Variants in HECW2 observed in about 807,000 individuals in gnomAD.
The protein encoded by HECW2 is HECT, C2 and WW domain containing E3 ubiquitin protein ligase 2, also known as E3 ubiquitin-protein ligase HECW2.
Under a neutral mutation model 175.2 loss-of-function variants are expected in HECW2, and 61 were observed. The observed-to-expected ratio is 0.35, with a 90% CI of 0.28 to 0.43. The LOEUF is 0.43. Among genes scored for constraint, HECW2 ranks in the 20% least tolerant of loss-of-function variants. HECW2 has a pLI of 1.00. For missense variants in HECW2, 1,524 were observed against 2,000.5 expected, an observed-to-expected ratio of 0.76 and a Z score of 4.54; for synonymous variants, 671 against 731.0, an observed-to-expected ratio of 0.92 and a Z score of 1.32.
Position 196,384,688 on chromosome 2 carries a change from C to A in HECW2, c.293-40924G>T, listed in dbSNP as rs542911243. Among the ~76,000 whole-genome samples, 8 of 152,138 alleles carry A rather than the reference C, an allele frequency of 5.3e-5. No individual in the cohort carries two copies. In the South Asian group the frequency reaches 1.7e-3, roughly 32 times the overall value. Reference sequence around the variant, plus strand: ...AAATGATGAACAAAACACTTATTGCCCCTCCCTAGTATTTTTTACATTCAT... The same window carrying A: ...AAATGATGAACAAAACACTTATTGCACCTCCCTAGTATTTTTTACATTCAT... On this transcript the variant is annotated intron_variant, in intron 2 of 28. Coordinates refer to ENST00000644978, the MANE Select transcript of HECW2 (RefSeq NM_001348768.2).
intron 1 of HECW2, among the ~76,000 whole-genome samples, chr2:196,581,415 T>A (rs1309722524): frequency 1.3e-5 from 2 of 152,122 alleles, no homozygotes; most frequent in Admixed American, 6.5e-5. Flanking sequence ...GTGCCTGTAG[T>A]CCCAGCTACT....
chr2:196,354,373 G>A (rs1417205331), intron 2 of HECW2, among the ~76,000 whole-genome samples: 3 of 152,174 alleles, frequency 2.0e-5, no homozygotes, highest in African/African-American at 7.2e-5. Context: ...GGAATGGCCG[G>A]CCAGACCCCA....
chr2:196,230,214 G>A (rs1005948699), intron 21 of HECW2, among the ~76,000 whole-genome samples: 21 of 152,194 alleles, frequency 1.4e-4, no homozygotes, highest in African/African-American at 5.1e-4. Flanking sequence ...ATGCAGGGAT[G>A]CACAGACTAC....
At chr2:196,586,430 C>T (rs1021108737) in intron 1 of HECW2, 3 of 152,198 alleles carry the variant, frequency 2.0e-5, no homozygotes, top group Non-Finnish European at 4.4e-5. Flanking sequence ...GAGCACCTTT[C>T]CACTATGCAG....
chr2:196,524,993 C>G (rs1688577577), intron 1 of HECW2, among the ~76,000 whole-genome samples: 1 of 140,388 alleles, frequency 7.1e-6, no homozygotes, highest in Non-Finnish European at 1.5e-5. Flanking sequence ...TCTATTAGGT[C>G]CGCTTGGTGC....
rs764886207 is a variant in HECW2, at chr2:196,195,287, C to G, written c.*5990G>C. 3.3e-5 allele frequency: 5 copies of G among 152,188 alleles called. No individual in the cohort carries two copies. Among genetic ancestry groups the G allele is most frequent in the African/African-American group, 4.8e-5 (2 of 41,440 alleles). 9.4% of individuals were successfully genotyped at this position (152,188 alleles called of 1,614,324 possible). Reference sequence around the variant, plus strand: ...GGTTCCTTACCTGCATCAGTAATAGCTGATTCAGTTTGAATCACACAACAC... The same window carrying G: ...GGTTCCTTACCTGCATCAGTAATAGGTGATTCAGTTTGAATCACACAACAC... On this transcript the variant is annotated 3_prime_UTR_variant, in exon 29 of 29. Coordinates refer to ENST00000644978, the MANE Select transcript of HECW2 (RefSeq NM_001348768.2).
At chr2:196,302,924 GC>G (rs1467133197) in intron 13 of HECW2, among the ~76,000 whole-genome samples, 1 of 152,098 alleles carries the variant, frequency 6.6e-6, no homozygotes, top group African/African-American at 2.4e-5. Context: ...TTGACTGATT[GC>G]CCTGGCCAGA....
intron 21 of HECW2, among the ~76,000 whole-genome samples, chr2:196,236,099 A>G (rs1477687173): frequency 6.6e-6 from 1 of 152,258 alleles, no homozygotes; most frequent in Non-Finnish European, 1.5e-5. Flanking sequence ...CCTCATAGAC[A>G]ACACAGTTGA....
At chr2:196,573,454 C>T (rs1020869737) in intron 1 of HECW2, among the ~76,000 whole-genome samples, 4 of 151,978 alleles carry the variant, frequency 2.6e-5, no homozygotes, top group African/African-American at 4.8e-5. Flanking sequence ...ATCCTTGTAG[C>T]CATGGTAACT....
intron 1 of HECW2, among the ~76,000 whole-genome samples, chr2:196,557,865 GT>G (rs1689861314): frequency 6.6e-6 from 1 of 151,912 alleles, no homozygotes; most frequent in Non-Finnish European, 1.5e-5. Context: ...TTTTTTCTTT[GT>G]TTTATTTTAC....
intron 10 of HECW2, among the ~76,000 whole-genome samples, chr2:196,310,768 T>TTGTGTGTGTGTGTGTGTGTG (rs143340435): frequency 0.011 from 1,618 of 148,294 alleles, 17 homozygotes; most frequent in East Asian, 0.026. Flanking sequence ...AGCAACGATT[T>TTGTGTGTGTGTGTGTGTGTG]TGTGTGTGTG....
chr2:196,449,514 TC>T (rs1224813106), intron 1 of HECW2, among the ~76,000 whole-genome samples: 1 of 152,240 alleles, frequency 6.6e-6, no homozygotes, highest in Non-Finnish European at 1.5e-5. Flanking sequence ...CTGAAAGATT[TC>T]ATTTGTTTTA....
At chr2:196,373,169 G>C (rs1693953925) in intron 2 of HECW2, among the ~76,000 whole-genome samples, 1 of 152,134 alleles carries the variant, frequency 6.6e-6, no homozygotes, top group African/African-American at 2.4e-5. Flanking sequence ...AATAGATAAA[G>C]GATAGTCCAC....
At position 196,292,827 on chromosome 2, in the gene HECW2, G is replaced by A. The variant is rs1177248652; in HGVS notation, c.2815-77C>T. 7.1e-6 allele frequency: 8 copies of A among 1,120,960 alleles called. No individual in the cohort carries two copies. The Admixed American group carries it at 1.8e-4, about 25-fold the overall frequency. 69.4% of individuals were successfully genotyped at this position (1,120,960 alleles called of 1,614,324 possible). A position where few individuals can be genotyped will look rare whatever the true frequency, so the allele number is the denominator to read the frequency against. On this transcript the variant is annotated intron_variant, in intron 13 of 28. Transcript: ENST00000644978. ...CACCAGAAATACTACACATGGGTAT[G>A]GCTAATCTTCCAATAAGTAATGAAA... is the stretch of plus-strand genomic sequence containing the variant.
chr2:196,262,572 C>CT lies in HECW2; in HGVS notation c.3336-4667dup, dbSNP rs1002702341. Among the ~76,000 whole-genome samples the CT allele has an allele frequency of 3.3e-3, 491 of 146,786 alleles. 4 individuals are homozygous for CT. Among genetic ancestry groups the CT allele is most frequent in the African/African-American group, 8.6e-3 (348 of 40,328 alleles). On this transcript the variant is annotated intron_variant, in intron 17 of 28. Transcript: ENST00000644978. ...AGGGCAAAAGCCCTTGCTCCTTTAT[C>CT]TTTTTTTTTTTGAGATGGAGTCTCA...
intron 1 of HECW2, among the ~76,000 whole-genome samples, chr2:196,491,231 G>C (rs1035081357): frequency 6.6e-6 from 1 of 151,908 alleles, no homozygotes; most frequent in Non-Finnish European, 1.5e-5. Flanking sequence ...GGGTGCAGTG[G>C]CTCACACCTG....
intron 21 of HECW2, among the ~76,000 whole-genome samples, chr2:196,231,464 T>C (rs1575261111): frequency 6.6e-6 from 1 of 152,148 alleles, no homozygotes; most frequent in African/African-American, 2.4e-5. Flanking sequence ...AACCTGCAGG[T>C]CCAATCTGCC....
intron 2 of HECW2, among the ~76,000 whole-genome samples, chr2:196,379,582 G>C (rs561500458): frequency 6.6e-6 from 1 of 151,914 alleles, no homozygotes; most frequent in East Asian, 1.9e-4. Flanking sequence ...CTACTCAGGA[G>C]GCTGAGGCAG....
chr2:196,559,202 C>T (rs755741320), intron 1 of HECW2, among the ~76,000 whole-genome samples: 21 of 152,216 alleles, frequency 1.4e-4, no homozygotes, highest in Non-Finnish European at 3.1e-4. Context: ...ACAACACCCA[C>T]AGTTCCCATT....
Sources: allele counts gnomAD v4.1 joint callset (sites outside exome capture counted in the v4.1 genomes callset), GRCh38; gene constraint gnomAD v4.1.1; transcripts MANE v1.5; gene names NCBI Gene and HGNC (gene_info 2026-07-23, HGNC 2026-07-21).